Variants in GALNT17 observed in about 807,000 individuals in gnomAD.
The protein encoded by GALNT17 is polypeptide N-acetylgalactosaminyltransferase 17, also known as UDP-GalNAc:polypeptide N-acetylgalactosaminyltransferase-like 3.
In GALNT17, 29 loss-of-function variants were observed where a neutral mutation model predicts 63.7. The observed-to-expected ratio is 0.46, with a 90% confidence interval of 0.34 to 0.62. The LOEUF (loss-of-function observed/expected upper bound fraction) is 0.62. Ranked by LOEUF, GALNT17 falls within the 20% of genes least tolerant of loss-of-function variation. The pLI is 0.01. For synonymous variants in GALNT17, 305 were observed against 318.3 expected, an observed-to-expected ratio of 0.96 and a Z score of 0.45; for missense variants, 603 against 799.6, an observed-to-expected ratio of 0.75 and a Z score of 2.97.
chr7:71,193,781 T>C (rs1788996630), intron 1 of GALNT17, among the ~76,000 whole-genome samples: 1 of 152,202 alleles, frequency 6.6e-6, no homozygotes, highest in Admixed American at 6.5e-5. Context: ...TCCTTTTTGC[T>C]TCTTTTATAA....
chr7:71,617,677 C>T (rs1790233678), intron 6 of GALNT17, among the ~76,000 whole-genome samples: 2 of 151,286 alleles, frequency 1.3e-5, no homozygotes, highest in Admixed American at 1.3e-4. Flanking sequence ...GAATCTCGCT[C>T]TGTCACCCAG....
At chr7:71,176,035 G>C (rs78931927) in intron 1 of GALNT17, among the ~76,000 whole-genome samples, 5,805 of 152,240 alleles carry the variant, frequency 0.038, 159 homozygotes, top group Non-Finnish European at 0.057. Flanking sequence ...TTTGAAGCCT[G>C]TCACTCCCAT....
intron 6 of GALNT17, among the ~76,000 whole-genome samples, chr7:71,664,712 C>T (rs1790958050): frequency 6.6e-6 from 1 of 152,214 alleles, no homozygotes; most frequent in South Asian, 2.1e-4. Context: ...TTCCATTCTA[C>T]ATTGGCAGGG....
In GALNT17 at chr7:71,179,534, T is replaced by A. The variant is rs531591884; in HGVS notation, c.238+46494T>A. Among the ~76,000 whole-genome samples, 4 of 152,324 alleles carry A rather than the reference T, an allele frequency of 2.6e-5. No individual in the cohort carries two copies. The East Asian group carries it at 7.7e-4, about 29-fold the overall frequency. Reference sequence around the variant, plus strand: ...TTTGAGGTTCACACCAGGCAGCAGCTGACATCTCCACTCTTTCTTTCAGCT... The same window carrying A: ...TTTGAGGTTCACACCAGGCAGCAGCAGACATCTCCACTCTTTCTTTCAGCT... On this transcript the variant is annotated intron_variant, in intron 1 of 10. Coordinates refer to ENST00000333538, the MANE Select transcript of GALNT17 (RefSeq NM_022479.3).
chr7:71,514,295 A>G (rs980735632), intron 5 of GALNT17, among the ~76,000 whole-genome samples: 1 of 152,146 alleles, frequency 6.6e-6, no homozygotes, highest in African/African-American at 2.4e-5. Context: ...ACGATCAAGG[A>G]TGGCACTGTG....
intron 3 of GALNT17, among the ~76,000 whole-genome samples, chr7:71,411,323 G>C (rs536586199): frequency 6.6e-6 from 1 of 152,074 alleles, no homozygotes; most frequent in Non-Finnish European, 1.5e-5. Flanking sequence ...GTCACACCAT[G>C]TGGCTAGGCT....
chr7:71,545,122 A>G (rs757710545), intron 5 of GALNT17, among the ~76,000 whole-genome samples: 1 of 152,112 alleles, frequency 6.6e-6, no homozygotes, highest in Non-Finnish European at 1.5e-5. Context: ...TTAATGCACT[A>G]AAGGGTAATC....
At chr7:71,408,116 C>T (rs916547744) in intron 3 of GALNT17, among the ~76,000 whole-genome samples, 3 of 152,120 alleles carry the variant, frequency 2.0e-5, no homozygotes, top group South Asian at 2.1e-4. Context: ...TTGGGGTTTG[C>T]GTGAGAACGA....
At chr7:71,229,219 C>G (rs950240984) in intron 1 of GALNT17, among the ~76,000 whole-genome samples, 1 of 152,192 alleles carries the variant, frequency 6.6e-6, no homozygotes, top group Non-Finnish European at 1.5e-5. Context: ...TGTGGCCCAG[C>G]GCTCAGATGG....
At chr7:71,371,413 C>A (rs532998405) in intron 2 of GALNT17, among the ~76,000 whole-genome samples, 2 of 151,814 alleles carry the variant, frequency 1.3e-5, no homozygotes, top group Admixed American at 1.3e-4. Context: ...GAAGTTCTAC[C>A]TGTTTTTATA....
intron 5 of GALNT17, among the ~76,000 whole-genome samples, chr7:71,443,856 C>T (rs1359483360): frequency 6.6e-6 from 1 of 152,058 alleles, no homozygotes; most frequent in Non-Finnish European, 1.5e-5. Context: ...TCCCGAGTGG[C>T]TGGGACTACA....
At chr7:71,148,860 T>TTTATA (rs768189844) in intron 1 of GALNT17, among the ~76,000 whole-genome samples, 1 of 103,260 alleles carries the variant, frequency 9.7e-6, no homozygotes, top group East Asian at 2.8e-4. Flanking sequence ...TATGGTATTT[T>TTTATA]TATATATATA....
At chr7:71,349,713 C>T (rs369720248) in intron 2 of GALNT17, among the ~76,000 whole-genome samples, 76 of 152,272 alleles carry the variant, frequency 5.0e-4, no homozygotes, top group African/African-American at 1.7e-3. Context: ...CTTAATGGTA[C>T]GTGCCCCAAT....
chr7:71,189,904 G>A (rs936637379), intron 1 of GALNT17, among the ~76,000 whole-genome samples: 3 of 151,186 alleles, frequency 2.0e-5, no homozygotes, highest in Admixed American at 1.3e-4. Flanking sequence ...TCTGCCTCCC[G>A]GGTTCAATTG....
At chr7:71,542,579 C>G (rs1788911430) in intron 5 of GALNT17, among the ~76,000 whole-genome samples, 1 of 151,698 alleles carries the variant, frequency 6.6e-6, no homozygotes, top group Admixed American at 6.6e-5. Flanking sequence ...GCCTGTAGTC[C>G]CAGCTACTCT....
chr7:71,418,371 A>G (rs1786586490), intron 4 of GALNT17, among the ~76,000 whole-genome samples: 1 of 152,162 alleles, frequency 6.6e-6, no homozygotes, highest in Admixed American at 6.5e-5. Flanking sequence ...AACTTTTACC[A>G]GGTTCTACTG....
chr7:71,520,699 C>A (rs537574465), intron 5 of GALNT17, among the ~76,000 whole-genome samples: 244 of 152,140 alleles, frequency 1.6e-3, no homozygotes, highest in African/African-American at 5.5e-3. Flanking sequence ...GGAATCCCGG[C>A]AAACTCTTTA....
At chr7:71,468,278 T>C (rs1022965614) in intron 5 of GALNT17, among the ~76,000 whole-genome samples, 8 of 152,146 alleles carry the variant, frequency 5.3e-5, no homozygotes, top group African/African-American at 1.9e-4. Context: ...AATCCTCCTG[T>C]ATCATCCTCC....
intron 1 of GALNT17, among the ~76,000 whole-genome samples, chr7:71,220,165 A>G (rs1304949873): frequency 6.6e-6 from 1 of 152,192 alleles, no homozygotes; most frequent in East Asian, 1.9e-4. Context: ...ATGCAAATGA[A>G]GGATTTGGAC....
Sources: allele counts gnomAD v4.1 joint callset (sites outside exome capture counted in the v4.1 genomes callset), GRCh38; gene constraint gnomAD v4.1.1; transcripts MANE v1.5; gene names NCBI Gene and HGNC (gene_info 2026-07-23, HGNC 2026-07-21).